Variants in FAM227B observed in about 807,000 individuals in gnomAD.
FAM227B encodes the protein family with sequence similarity 227 member B, also known as protein FAM227B.
FAM227B carries 88 observed loss-of-function variants against 73.8 expected under a neutral mutation model. The ratio of observed to expected loss-of-function variants is 1.19; its 90% CI spans 1.00 to 1.42. FAM227B has a LOEUF of 1.42. Among genes scored for constraint, FAM227B ranks in the 40% most tolerant of loss-of-function variants. The pLI is 0.00. For missense variants in FAM227B, 632 were observed against 590.9 expected (o/e 1.07, Z -0.72); for synonymous variants, 210 against 190.5 (o/e 1.10, Z -0.84).
At chr15:49,350,120 A>G (rs765355088) in intron 13 of FAM227B, among the ~76,000 whole-genome samples, 1 of 152,192 alleles carries the variant, frequency 6.6e-6, no homozygotes, top group Non-Finnish European at 1.5e-5. Context: ...ATCAATTTCT[A>G]TAAAATAAAT....
intron 11 of FAM227B, among the ~76,000 whole-genome samples, chr15:49,378,263 T>C (rs1428985087): frequency 1.3e-5 from 2 of 151,960 alleles, no homozygotes; most frequent in African/African-American, 4.8e-5. Flanking sequence ...TTCCTCTAGT[T>C]TTGCTCTTTT....
chr15:49,366,724 C>T, intron 13 of FAM227B: 2 of 1,134,324 alleles, frequency 1.8e-6, no homozygotes, highest in South Asian at 1.3e-5. Context: ...CGGCGCGGCT[C>T]ACTAGGTGGG....
intron 11 of FAM227B, among the ~76,000 whole-genome samples, chr15:49,507,734 A>G (rs1425272680): frequency 6.6e-6 from 1 of 152,112 alleles, no homozygotes; most frequent in African/African-American, 2.4e-5. Flanking sequence ...TTGGAAAAAA[A>G]AAACCCATCA....
In FAM227B at chr15:49,526,272, G is replaced by A. The variant is rs538958546; in HGVS notation, c.874+15408C>T. On this transcript the variant is annotated intron_variant, in intron 10 of 15. Transcript: ENST00000299338. The stretch of plus-strand genomic sequence containing the variant: ...AACTCTCAAAGTTACACAAGTACAG[G>A]GAAACGAAACAACTTGCTCCTGAAG... 3.9e-5 allele frequency among the ~76,000 whole-genome samples: 6 copies of A among 152,062 alleles called. No homozygotes were observed. In the South Asian group the frequency reaches 1.2e-3, roughly 32 times the overall value.
At chr15:49,379,948 C>T (rs868043040) in intron 11 of FAM227B, among the ~76,000 whole-genome samples, 3 of 152,202 alleles carry the variant, frequency 2.0e-5, no homozygotes, top group South Asian at 4.1e-4. Context: ...GTGGCAAAGC[C>T]ATCCTGGCCT....
At chr15:49,477,365 C>T (rs1479380542) in intron 11 of FAM227B, among the ~76,000 whole-genome samples, 1 of 152,134 alleles carries the variant, frequency 6.6e-6, no homozygotes, top group Non-Finnish European at 1.5e-5. Context: ...AGGCCCTTGC[C>T]ACCACTGATA....
rs558672146 is a variant in FAM227B, at chr15:49,598,429, A to G, written c.106-8422T>C. On this transcript the variant is annotated intron_variant, in intron 3 of 15. Coordinates refer to ENST00000299338, the MANE Select transcript of FAM227B (RefSeq NM_152647.3). ...AGACAATTTTACTTCTTCCTTTCCTATTTGGATGGTTTGTTTCTTTGTTTT... is the reference window on the plus strand; with the variant it reads ...AGACAATTTTACTTCTTCCTTTCCTGTTTGGATGGTTTGTTTCTTTGTTTT... 8.8e-4 allele frequency among the ~76,000 whole-genome samples: 134 copies of G among 151,984 alleles called. 5 individuals are homozygous for G. The South Asian group carries it at 0.027, about 30-fold the overall frequency.
At chr15:49,610,168 A>T (rs1207206213) in intron 3 of FAM227B, among the ~76,000 whole-genome samples, 20 of 151,992 alleles carry the variant, frequency 1.3e-4, no homozygotes, top group Admixed American at 1.3e-3. Context: ...GTCCTCAAAC[A>T]TGTATAATAA....
At chr15:49,601,216 T>C (rs1359996128) in intron 3 of FAM227B, among the ~76,000 whole-genome samples, 1 of 150,864 alleles carries the variant, frequency 6.6e-6, no homozygotes, top group Non-Finnish European at 1.5e-5. Context: ...TCTATTCCTC[T>C]CTTCCTTTGT....
At chr15:49,505,043 T>C (rs2058473733) in intron 11 of FAM227B, among the ~76,000 whole-genome samples, 1 of 152,208 alleles carries the variant, frequency 6.6e-6, no homozygotes, top group Admixed American at 6.6e-5. Context: ...ATTATATTCC[T>C]ACTATGGAGG....
chr15:49,558,536 C>T (rs1189038251), intron 9 of FAM227B, among the ~76,000 whole-genome samples: 1 of 152,168 alleles, frequency 6.6e-6, no homozygotes, highest in African/African-American at 2.4e-5. Context: ...CAGTCCACAG[C>T]CATTCTGAAA....
At chr15:49,556,699 T>C (rs972488721) in intron 9 of FAM227B, among the ~76,000 whole-genome samples, 1 of 152,158 alleles carries the variant, frequency 6.6e-6, no homozygotes. Context: ...GACTGGCCCA[T>C]CTCCGAGGCA....
In FAM227B at chr15:49,545,102, A is replaced by G. The variant is rs570754887; in HGVS notation, c.748-3296T>C. 1.2e-4 allele frequency among the ~76,000 whole-genome samples: 19 copies of G among 152,276 alleles called. No individual in the cohort carries two copies. In the East Asian group the frequency reaches 3.7e-3, roughly 29 times the overall value. Reference sequence around the variant, plus strand: ...ACCAATTCTTCTTTAAATGTCTGATAGAATTCAGCTGTGAATTCATCTGAT... The same window carrying G: ...ACCAATTCTTCTTTAAATGTCTGATGGAATTCAGCTGTGAATTCATCTGAT... On this transcript the variant is annotated intron_variant, in intron 9 of 15. Coordinates refer to ENST00000299338, the MANE Select transcript of FAM227B (RefSeq NM_152647.3).
chr15:49,424,736 GC>G (rs2049979795), intron 11 of FAM227B: 1 of 562,212 alleles, frequency 1.8e-6, no homozygotes, highest in African/African-American at 1.9e-5. Context: ...GTTGAACTAT[GC>G]CCCTAAAAAT....
At chr15:49,401,882 G>A (rs1457682227) in intron 11 of FAM227B, among the ~76,000 whole-genome samples, 27 of 138,426 alleles carry the variant, frequency 2.0e-4, no homozygotes, top group Non-Finnish European at 3.6e-4. Flanking sequence ...GGATAGCATC[G>A]GGAGATATAC....
chr15:49,552,280 C>T (rs1265825756), intron 9 of FAM227B, among the ~76,000 whole-genome samples: 3 of 152,150 alleles, frequency 2.0e-5, no homozygotes, highest in Non-Finnish European at 4.4e-5. Context: ...TGTTTTTGTT[C>T]CTTCAGCACT....
At chr15:49,347,184 T>C (rs2041630657) in intron 13 of FAM227B, among the ~76,000 whole-genome samples, 1 of 152,224 alleles carries the variant, frequency 6.6e-6, no homozygotes, top group Non-Finnish European at 1.5e-5. Context: ...TTAACACTTA[T>C]TCAAGTAAAA....
Position 49,385,715 on chromosome 15 carries a change from T to A in FAM227B, c.1013-14316A>T, listed in dbSNP as rs182084831. ...ACTTAAAAGATACAGAATGGCAGAATGGATAAAAAAATCACAATAGAAATA... is the reference window on the plus strand; with the variant it reads ...ACTTAAAAGATACAGAATGGCAGAAAGGATAAAAAAATCACAATAGAAATA... On this transcript the variant is annotated intron_variant, in intron 11 of 15. Transcript: ENST00000299338. 5.3e-5 allele frequency among the ~76,000 whole-genome samples: 8 copies of A among 151,734 alleles called. No individual in the cohort carries two copies. The East Asian group carries it at 1.5e-3, about 29-fold the overall frequency.
intron 13 of FAM227B, among the ~76,000 whole-genome samples, chr15:49,352,563 G>A (rs1212184569): frequency 1.3e-5 from 2 of 152,130 alleles, no homozygotes; most frequent in African/African-American, 4.8e-5. Context: ...AGGCTTCAGA[G>A]CGCCTACCAT....
Sources: allele counts gnomAD v4.1 joint callset (sites outside exome capture counted in the v4.1 genomes callset), GRCh38; gene constraint gnomAD v4.1.1; transcripts MANE v1.5; gene names NCBI Gene and HGNC (gene_info 2026-07-23, HGNC 2026-07-21).